LRP2: variants seen among roughly 807,000 people sequenced by gnomAD.
LRP2 encodes the protein LDL receptor related protein 2.
Under a neutral mutation model 531.0 loss-of-function variants are expected in LRP2, and 172 were observed. That is an observed-to-expected ratio of 0.32 (90% CI 0.29 to 0.37). LRP2 has a LOEUF of 0.37. Ranked by LOEUF, LRP2 falls within the 10% of genes least tolerant of loss-of-function variation. The pLI is 1.00. For synonymous variants in LRP2, 1,992 were observed against 2,027.6 expected, an observed-to-expected ratio of 0.98 and a Z score of 0.47; for missense variants, 5,167 against 5,868.3, an observed-to-expected ratio of 0.88 and a Z score of 3.90.
chr2:169,318,074 C>A (rs1354292813), intron 3 of LRP2, among the ~76,000 whole-genome samples: 1 of 151,962 alleles, frequency 6.6e-6, no homozygotes, highest in Non-Finnish European at 1.5e-5. Flanking sequence ...GAGACCCTGA[C>A]TCTAAAAATA....
chr2:169,282,672 C>T (rs749086972), intron 10 of LRP2, among the ~76,000 whole-genome samples: 4 of 152,148 alleles, frequency 2.6e-5, no homozygotes, highest in Admixed American at 6.5e-5. Flanking sequence ...CACCATTAGT[C>T]GACAAATTGG....
chr2:169,157,424 C>G lies in LRP2; in HGVS notation c.11966G>C (p.Cys3989Ser). Residue 3989 changes from cysteine (C) to serine (S), a missense_variant, in exon 64 of 79, where the codon TGC becomes TCC. Cys to Ser is a moderately radical substitution (Grantham distance 112, BLOSUM62 -1). Transcript: ENST00000649046. Reference protein sequence around the residue: ...CTQLNEGGFICSCTAGFETNV... With the variant: ...CTQLNEGGFISSCTAGFETNV... ...GGTTTCGAACCCAGCTGTACAGGAG[C>G]AGATAAATCCTCCTTCATTTAATTG... 1 of 1,613,208 alleles carries G rather than the reference C, an allele frequency of 6.2e-7. No individual in the cohort carries two copies. Among genetic ancestry groups the G allele is most frequent in the Non-Finnish European group, 8.5e-7 (1 of 1,179,490 alleles).
intron 1 of LRP2, among the ~76,000 whole-genome samples, chr2:169,350,013 C>T (rs941917510): frequency 6.6e-6 from 1 of 152,122 alleles, no homozygotes; most frequent in Non-Finnish European, 1.5e-5. Context: ...CCATTGCAAT[C>T]GTCGAGGCAA....
In LRP2 at chr2:169,313,007, C is replaced by T. The variant is rs866750337; in HGVS notation, c.311-5610G>A. On this transcript the variant is annotated intron_variant, in intron 3 of 78. Transcript: ENST00000649046. ...CAGTTGATCGAAACGGCTATTGACGCTTGTGCATGCATCACGTAGTTCTCA... is the reference window on the plus strand; with the variant it reads ...CAGTTGATCGAAACGGCTATTGACGTTTGTGCATGCATCACGTAGTTCTCA... Among the ~76,000 whole-genome samples, 7 of 152,198 alleles carry T rather than the reference C, an allele frequency of 4.6e-5. No individual in the cohort carries two copies. The South Asian group carries it at 1.2e-3, about 27-fold the overall frequency.
chr2:169,307,890 A>C (rs1684469091), intron 3 of LRP2, among the ~76,000 whole-genome samples: 2 of 152,190 alleles, frequency 1.3e-5, no homozygotes, highest in Non-Finnish European at 2.9e-5. Flanking sequence ...AATTTTATAA[A>C]GAGAAAAAAA....
intron 7 of LRP2, among the ~76,000 whole-genome samples, chr2:169,291,912 T>C (rs1684007916): frequency 6.6e-6 from 1 of 152,190 alleles, no homozygotes; most frequent in African/African-American, 2.4e-5. Context: ...AGCCTATTAG[T>C]TTTATATAGT....
intron 63 of LRP2, among the ~76,000 whole-genome samples, chr2:169,160,682 T>TAAAAAAA (rs781574242): frequency 3.8e-5 from 2 of 52,820 alleles, no homozygotes; most frequent in Non-Finnish European, 3.6e-5. Flanking sequence ...CTTATTTCCT[T>TAAAAAAA]AAAAAAAAAA....
rs1683463034 is a variant in LRP2 at position 169,273,124 on chromosome 2, A to G, written c.1976-57T>C. The G allele has an allele frequency of 2.9e-5, 46 of 1,600,052 alleles. No homozygotes were observed. The South Asian group carries it at 4.8e-4, about 17-fold the overall frequency. ...AATTAGAAATGTGTAATTATCCAAG[A>G]CATGAAGCCACTTCTAGCCCTTTTC... On this transcript the variant is annotated intron_variant, in intron 14 of 78. Coordinates refer to ENST00000649046, the MANE Select transcript of LRP2 (RefSeq NM_004525.3).
Position 169,277,934 on chromosome 2 carries a change from T to C in LRP2, c.1583A>G (p.Asp528Gly). ...AGGTTCCCCAGAAAGGCTCTCCCAA[T>C]CTGAGAAAAATAAATAACTACAAAA... ...DPTVGYLFFS[D>G]WESLSGEPKL... The change falls in exon 13 of 79, where the codon GAT becomes GGT. Residue 528 changes from aspartate (D) to glycine (G), a missense_variant. By Grantham distance (94) the Asp-to-Gly change is moderately conservative (BLOSUM62 -1). Around this residue, in one of 6 missense-constraint regions of LRP2, gnomAD observed 2,811 missense variants for 3,058.0 expected, o/e 0.92. Transcript: ENST00000649046. The C allele has an allele frequency of 6.2e-7, 1 of 1,613,558 alleles. No individual in the cohort carries two copies. Among genetic ancestry groups the C allele is most frequent in the East Asian group, 2.2e-5 (1 of 44,858 alleles).
chr2:169,332,858 G>A (rs1189413032), intron 1 of LRP2, among the ~76,000 whole-genome samples: 1 of 152,104 alleles, frequency 6.6e-6, no homozygotes, highest in African/African-American at 2.4e-5. Flanking sequence ...GTGATGGTGA[G>A]GCTCATTGCA....
At chr2:169,194,498 A>G (rs1194183317) in intron 46 of LRP2, among the ~76,000 whole-genome samples, 1 of 152,166 alleles carries the variant, frequency 6.6e-6, no homozygotes. Context: ...TCTACTTCAA[A>G]TTAGCCATCA....
chr2:169,325,076 A>G (rs1210616857), intron 1 of LRP2, among the ~76,000 whole-genome samples: 2 of 151,112 alleles, frequency 1.3e-5, no homozygotes, highest in African/African-American at 4.8e-5. Flanking sequence ...AAAAAAAAAG[A>G]AAGAAAAAAA....
At chr2:169,358,889 C>T (rs1391441512) in intron 1 of LRP2, among the ~76,000 whole-genome samples, 5 of 113,404 alleles carry the variant, frequency 4.4e-5, no homozygotes, top group African/African-American at 1.1e-4. Context: ...AAGGCCAATA[C>T]GATTTTCTCA....
intron 19 of LRP2, among the ~76,000 whole-genome samples, chr2:169,248,769 T>C (rs1690115519): frequency 7.6e-6 from 1 of 131,672 alleles, no homozygotes; most frequent in East Asian, 2.1e-4. Context: ...CGCAGGCCAG[T>C]GTGTGTGCGC....
rs868241074 is a variant in LRP2, at chr2:169,176,704, T to C, written c.10394-116A>G. 115 of 890,120 alleles carry C rather than the reference T, an allele frequency of 1.3e-4. 3 individuals are homozygous for C. The Middle Eastern group carries it at 5.1e-3, about 40-fold the overall frequency. 55.1% of individuals were successfully genotyped at this position (890,120 alleles called of 1,614,324 possible). A position where few individuals can be genotyped will look rare whatever the true frequency, so the allele number is the denominator to read the frequency against. ...TCACCTCTTAGTAAAAAAAAAACTA[T>C]CCTAGATTTATGATTTTCCCAAAAG... On this transcript the variant is annotated intron_variant, in intron 53 of 78. Transcript: ENST00000649046.
intron 1 of LRP2, among the ~76,000 whole-genome samples, chr2:169,323,431 T>C (rs1347856539): frequency 6.6e-6 from 1 of 152,172 alleles, no homozygotes; most frequent in Non-Finnish European, 1.5e-5. Flanking sequence ...ATATGTGTTG[T>C]TTAAAAATAA....
rs115217703 is a variant in LRP2, at chr2:169,274,757, A to G, written c.1975+279T>C. On this transcript the variant is annotated intron_variant, in intron 14 of 78. Coordinates refer to ENST00000649046, the MANE Select transcript of LRP2 (RefSeq NM_004525.3). ...TTTGGTTTGGTTTGTGAGCTGCTAT[A>G]CCCCCAAGCATCTTTGCAGGTGCTA... 2.1e-3 allele frequency among the ~76,000 whole-genome samples: 312 copies of G among 152,178 alleles called. 1 individual carries two copies. The highest frequency in any genetic ancestry group is 6.8e-3 in the African/African-American group (281 of 41,542).
chr2:169,361,356 C>G (rs1045953873), intron 1 of LRP2, among the ~76,000 whole-genome samples: 2 of 114,356 alleles, frequency 1.7e-5, no homozygotes, highest in Admixed American at 8.7e-5. Flanking sequence ...CTCTGTCTCT[C>G]TCTCTCTCTC....
At chr2:169,210,791 T>C (rs1434480405) in intron 37 of LRP2, among the ~76,000 whole-genome samples, 1 of 152,214 alleles carries the variant, frequency 6.6e-6, no homozygotes, top group Non-Finnish European at 1.5e-5. Context: ...CATAATGCCC[T>C]TTGAAACTGT....
Sources: gnomAD v4.1 joint callset for allele counts (sites outside exome capture counted in the v4.1 genomes callset) on GRCh38, gnomAD v4.1.1 for gene constraint, gnomAD v4.1.1 regional missense constraint, MANE v1.5 for transcripts, NCBI Gene and HGNC (gene_info 2026-07-23, HGNC 2026-07-21) for gene names.